KCNB2: variants seen among roughly 807,000 people sequenced by gnomAD.
KCNB2 encodes delayed rectifier potassium channel protein.
KCNB2 carries 15 observed loss-of-function variants against 61.5 expected under a neutral mutation model. The observed-to-expected ratio is 0.24, with a 90% confidence interval of 0.16 to 0.38. The LOEUF is 0.38. Among genes scored for constraint, KCNB2 ranks in the 10% least tolerant of loss-of-function variants. The probability of loss-of-function intolerance (pLI) is 1.00; values close to 1 mark genes in which losing one functional copy is unlikely to be tolerated. For synonymous variants in KCNB2, 457 were observed against 446.0 expected, an observed-to-expected ratio of 1.02 and a Z score of -0.31; for missense variants, 828 against 1,125.2, an observed-to-expected ratio of 0.74 and a Z score of 3.78.
intron 2 of KCNB2, among the ~76,000 whole-genome samples, chr8:72,923,745 T>C (rs1443041109): frequency 7.2e-5 from 11 of 152,152 alleles, no homozygotes; most frequent in Admixed American, 7.2e-4. Flanking sequence ...AACTGGCAAT[T>C]ACATAAGAAA....
intron 2 of KCNB2, among the ~76,000 whole-genome samples, chr8:72,738,770 G>A (rs1022693375): frequency 5.3e-5 from 8 of 152,030 alleles, no homozygotes; most frequent in Non-Finnish European, 1.2e-4. Context: ...GGGCACAGAG[G>A]GTCAAGTTTG....
At chr8:72,676,133 ATGGAACTTCAAAT>A (rs1403924022) in intron 2 of KCNB2, among the ~76,000 whole-genome samples, 7 of 152,180 alleles carry the variant, frequency 4.6e-5, no homozygotes, top group African/African-American at 1.7e-4. Flanking sequence ...TCACATATGC[ATGGAACTTCAAAT>A]TTAGAGGTGC....
chr8:72,697,255 G>A lies in KCNB2; in HGVS notation c.579+128942G>A, dbSNP rs575763956. On this transcript the variant is annotated intron_variant, in intron 2 of 2. Coordinates refer to ENST00000523207, the MANE Select transcript of KCNB2 (RefSeq NM_004770.3). ...CTCCTACAACTCTGGTGCAGATTGA[G>A]ATAATACTTGTAAAATGCTTGGGGA... Among the ~76,000 whole-genome samples, 155 of 152,254 alleles carry A rather than the reference G, an allele frequency of 1.0e-3. 1 individual carries two copies. Among genetic ancestry groups the A allele is most frequent in the African/African-American group, 3.6e-3 (149 of 41,554 alleles).
At chr8:72,568,361 C>T (rs1563525665) in intron 2 of KCNB2, 48 bp downstream of exon 2, 1 of 1,465,930 alleles carries the variant, frequency 6.8e-7, no homozygotes, top group Admixed American at 2.0e-5. Flanking sequence ...AGAAAAGATG[C>T]TACCTACGTT....
At chr8:72,711,719 G>T (rs554204329) in intron 2 of KCNB2, among the ~76,000 whole-genome samples, 6 of 150,900 alleles carry the variant, frequency 4.0e-5, no homozygotes, top group Non-Finnish European at 7.4e-5. Context: ...GACAGGCACG[G>T]TGGCTTACGC....
intron 1 of KCNB2, among the ~76,000 whole-genome samples, chr8:72,559,494 A>G (rs1436521384): frequency 6.6e-6 from 1 of 152,136 alleles, no homozygotes; most frequent in Non-Finnish European, 1.5e-5. Context: ...AGCATCTTCT[A>G]CAAGAGATGG....
At chr8:72,782,947 G>A (rs558870987) in intron 2 of KCNB2, among the ~76,000 whole-genome samples, 1 of 152,040 alleles carries the variant, frequency 6.6e-6, no homozygotes, top group Non-Finnish European at 1.5e-5. Flanking sequence ...GAGAGAGATT[G>A]CTTTTACTAT....
At chr8:72,633,443 C>T (rs886917844) in intron 2 of KCNB2, among the ~76,000 whole-genome samples, 1 of 152,164 alleles carries the variant, frequency 6.6e-6, no homozygotes, top group Non-Finnish European at 1.5e-5. Flanking sequence ...CTTAACTACA[C>T]CTCCAAAGTG....
At chr8:72,742,869 GT>G (rs1329299456) in intron 2 of KCNB2, among the ~76,000 whole-genome samples, 1 of 152,130 alleles carries the variant, frequency 6.6e-6, no homozygotes, top group South Asian at 2.1e-4. Context: ...ACTTGGCTCT[GT>G]ATTTTTAAAA....
chr8:72,739,128 C>A (rs1403430539), intron 2 of KCNB2, among the ~76,000 whole-genome samples: 1 of 151,610 alleles, frequency 6.6e-6, no homozygotes, highest in Non-Finnish European at 1.5e-5. Flanking sequence ...TAGATATCAC[C>A]CCATAATCAC....
intron 2 of KCNB2, among the ~76,000 whole-genome samples, chr8:72,923,493 A>G (rs906025209): frequency 1.3e-5 from 2 of 152,152 alleles, no homozygotes; most frequent in South Asian, 4.1e-4. Flanking sequence ...TTAATGTTAT[A>G]TGCTGGTCAG....
chr8:72,627,058 C>G (rs1391498946), intron 2 of KCNB2, among the ~76,000 whole-genome samples: 1 of 152,160 alleles, frequency 6.6e-6, no homozygotes, highest in Non-Finnish European at 1.5e-5. Context: ...CAAGACCTTC[C>G]CCATCAGTTT....
intron 2 of KCNB2, among the ~76,000 whole-genome samples, chr8:72,839,151 A>G (rs575363217): frequency 6.6e-6 from 1 of 152,338 alleles, no homozygotes; most frequent in East Asian, 1.9e-4. Context: ...TACCAAACGT[A>G]TACCTTTTCT....
At chr8:72,827,154 T>A (rs577762937) in intron 2 of KCNB2, among the ~76,000 whole-genome samples, 3 of 152,172 alleles carry the variant, frequency 2.0e-5, no homozygotes, top group Non-Finnish European at 4.4e-5. Flanking sequence ...CTTCATATGA[T>A]GGCTGAGGGC....
chr8:72,539,119 G>A (rs933345391), intron 1 of KCNB2, among the ~76,000 whole-genome samples: 20 of 152,106 alleles, frequency 1.3e-4, no homozygotes, highest in African/African-American at 4.8e-4. Flanking sequence ...AAAGCTTAAC[G>A]TAATACATGA....
chr8:72,610,819 T>C (rs1015888128), intron 2 of KCNB2, among the ~76,000 whole-genome samples: 14 of 152,168 alleles, frequency 9.2e-5, no homozygotes, highest in African/African-American at 3.1e-4. Context: ...TACAGGATTT[T>C]GGTAATTAAA....
intron 2 of KCNB2, among the ~76,000 whole-genome samples, chr8:72,678,872 G>A (rs1806706267): frequency 6.6e-6 from 1 of 152,136 alleles, no homozygotes; most frequent in African/African-American, 2.4e-5. Flanking sequence ...GCCCAACTAT[G>A]CACCTCAATG....
intron 2 of KCNB2, among the ~76,000 whole-genome samples, chr8:72,633,159 A>G (rs1298520198): frequency 1.3e-5 from 2 of 152,032 alleles, no homozygotes; most frequent in African/African-American, 4.8e-5. Context: ...CGGAAAGAGG[A>G]GCTGGTTTCT....
At chr8:72,777,414 G>T (rs909038493) in intron 2 of KCNB2, among the ~76,000 whole-genome samples, 1 of 152,108 alleles carries the variant, frequency 6.6e-6, no homozygotes, top group Non-Finnish European at 1.5e-5. Context: ...ACTGTGAGAG[G>T]ACTGAATAGT....
Sources: allele counts gnomAD v4.1 joint callset (sites outside exome capture counted in the v4.1 genomes callset), GRCh38; gene constraint gnomAD v4.1.1; transcripts MANE v1.5; gene names NCBI Gene and HGNC (gene_info 2026-07-23, HGNC 2026-07-21).